The following DCC variants were observed in gnomAD, a reference collection of about 807,000 sequenced individuals.
DCC encodes netrin receptor DCC.
A neutral mutation model predicts 172.5 loss-of-function variants in DCC; 58 were observed. The observed-to-expected ratio is 0.34, with a 90% confidence interval of 0.27 to 0.42. The LOEUF is 0.42. Among genes scored for constraint, DCC ranks in the 10% least tolerant of loss-of-function variants. The pLI is 1.00. For synonymous variants in DCC, 709 were observed against 644.5 expected, an observed-to-expected ratio of 1.10 and a Z score of -1.52; for missense variants, 1,740 against 1,791.0, an observed-to-expected ratio of 0.97 and a Z score of 0.51.
chr18:52,448,959 C>G (rs1158060364), intron 1 of DCC, among the ~76,000 whole-genome samples: 1 of 152,216 alleles, frequency 6.6e-6, no homozygotes, highest in Non-Finnish European at 1.5e-5. Context: ...AGTTCATTCT[C>G]ATGCTGCTGA....
chr18:53,282,606 C>T (rs944245020), intron 12 of DCC, among the ~76,000 whole-genome samples: 1 of 152,086 alleles, frequency 6.6e-6, no homozygotes, highest in Non-Finnish European at 1.5e-5. Context: ...ATTATAGGAG[C>T]ATAGAACCTT....
Position 52,467,044 on chromosome 18 carries a change from T to TA in DCC, c.91+126176dup, listed in dbSNP as rs34627953. On this transcript the variant is annotated intron_variant, in intron 1 of 28. Coordinates refer to ENST00000442544, the MANE Select transcript of DCC (RefSeq NM_005215.4). ...CTTCTTGCTGTAAAAGTGGTTTTTTTAAAAAAAAAATATATATATATATTT... is the reference window on the plus strand; with the variant it reads ...CTTCTTGCTGTAAAAGTGGTTTTTTTAAAAAAAAAAATATATATATATATTT... Among the ~76,000 whole-genome samples the TA allele has an allele frequency of 5.5e-3, 801 of 145,638 alleles. 9 individuals carry two copies. The highest frequency in any genetic ancestry group is 0.021 in the African/African-American group (774 of 37,358).
intron 2 of DCC, among the ~76,000 whole-genome samples, chr18:52,877,867 C>T (rs1431623987): frequency 1.3e-5 from 2 of 152,000 alleles, no homozygotes; most frequent in African/African-American, 4.8e-5. Flanking sequence ...GAATCTGCTT[C>T]CCTGTCCCGT....
At chr18:53,051,881 A>AT (rs1411979539) in intron 5 of DCC, among the ~76,000 whole-genome samples, 1 of 151,932 alleles carries the variant, frequency 6.6e-6, no homozygotes, top group Non-Finnish European at 1.5e-5. Flanking sequence ...CTGAAAATTT[A>AT]TTTTCCCAGA....
intron 26 of DCC, among the ~76,000 whole-genome samples, chr18:53,493,555 A>G (rs981205354): frequency 2.0e-5 from 3 of 152,192 alleles, no homozygotes; most frequent in African/African-American, 7.2e-5. Context: ...TTATTTGCAC[A>G]GAGGTGTTTA....
At chr18:53,193,431 C>T (rs1239963295) in intron 9 of DCC, among the ~76,000 whole-genome samples, 1 of 152,118 alleles carries the variant, frequency 6.6e-6, no homozygotes, top group Non-Finnish European at 1.5e-5. Context: ...AGATATAATT[C>T]ATATATTATT....
chr18:52,899,639 G>A (rs2039781837), intron 2 of DCC, among the ~76,000 whole-genome samples: 1 of 151,804 alleles, frequency 6.6e-6, no homozygotes, highest in East Asian at 1.9e-4. Context: ...ACGGGCATGA[G>A]CCACCGTGCC....
chr18:53,291,992 G>A lies in DCC; in HGVS notation c.1912-13586G>A, dbSNP rs200112610. Among the ~76,000 whole-genome samples, 3 of 152,090 alleles carry A rather than the reference G, an allele frequency of 2.0e-5. No homozygotes were observed. In the East Asian group the frequency reaches 5.8e-4, roughly 29 times the overall value. On this transcript the variant is annotated intron_variant, in intron 12 of 28. Coordinates refer to ENST00000442544, the MANE Select transcript of DCC (RefSeq NM_005215.4). ...GAAACAAGCCTGGCTACTAGGCTAT[G>A]CATAGAAAATTATCAGATGTAAAAA...
In DCC at chr18:52,345,998, C is replaced by T. The variant is rs192484279; in HGVS notation, c.91+5120C>T. ...GTGTTACCAGGTTGGAATAATAGAA[C>T]GTTAACCTTTTTCAAAGTTACTACT... is the stretch of plus-strand genomic sequence containing the variant. On this transcript the variant is annotated intron_variant, in intron 1 of 28. Coordinates refer to ENST00000442544, the MANE Select transcript of DCC (RefSeq NM_005215.4). 2.0e-4 allele frequency among the ~76,000 whole-genome samples: 31 copies of T among 152,216 alleles called. 1 individual carries two copies. The highest frequency in any genetic ancestry group is 5.1e-4 in the African/African-American group (21 of 41,542).
intron 15 of DCC, among the ~76,000 whole-genome samples, chr18:53,383,834 CAG>C (rs1907946256): frequency 6.6e-6 from 1 of 151,968 alleles, no homozygotes; most frequent in Non-Finnish European, 1.5e-5. Context: ...ATCTGGTTCT[CAG>C]GGACAGAGGG....
chr18:53,236,511 AGTTGGAGGCTTTGGTATT>A, intron 12 of DCC, among the ~76,000 whole-genome samples: 1 of 152,180 alleles, frequency 6.6e-6, no homozygotes, highest in South Asian at 2.1e-4. Flanking sequence ...TACCTCTGTA[AGTTGGAGGCTTTGGTATT>A]GTTAGTATTT....
intron 5 of DCC, among the ~76,000 whole-genome samples, chr18:53,023,735 T>C (rs571820075): frequency 6.6e-6 from 1 of 152,144 alleles, no homozygotes; most frequent in African/African-American, 2.4e-5. Context: ...TAATATAGAG[T>C]TTTTAGAGGC....
At chr18:52,841,797 C>T (rs1301751404) in intron 2 of DCC, among the ~76,000 whole-genome samples, 2 of 152,108 alleles carry the variant, frequency 1.3e-5, no homozygotes, top group Non-Finnish European at 2.9e-5. Flanking sequence ...ACATTTTTGC[C>T]ATTCCCCCCT....
intron 5 of DCC, among the ~76,000 whole-genome samples, chr18:53,049,195 C>A (rs1350328740): frequency 6.6e-6 from 1 of 151,934 alleles, no homozygotes; most frequent in East Asian, 1.9e-4. Flanking sequence ...AATTAGGTTC[C>A]ATTTCTCAAT....
intron 1 of DCC, among the ~76,000 whole-genome samples, chr18:52,680,115 T>C (rs771126887): frequency 7.9e-5 from 12 of 152,208 alleles, no homozygotes; most frequent in Admixed American, 2.0e-4. Context: ...ATTTTCTGGG[T>C]GCCCATTGGG....
At chr18:52,991,264 CTTTT>C (rs1236591501) in intron 5 of DCC, among the ~76,000 whole-genome samples, 1 of 152,030 alleles carries the variant, frequency 6.6e-6, no homozygotes, top group East Asian at 1.9e-4. Context: ...TTAAATTTAT[CTTTT>C]TTTGTTTTAA....
chr18:52,693,173 C>T (rs923520499), intron 1 of DCC, among the ~76,000 whole-genome samples: 1 of 56,008 alleles, frequency 1.8e-5, no homozygotes, highest in Non-Finnish European at 3.5e-5. Context: ...GAGTCAGAGA[C>T]ATTAGTGTGA....
At chr18:52,899,384 A>G (rs1190578789) in intron 2 of DCC, among the ~76,000 whole-genome samples, 1 of 43,192 alleles carries the variant, frequency 2.3e-5, no homozygotes, top group African/African-American at 9.1e-5. Flanking sequence ...ACAGAGTTTC[A>G]CTTTTGTTGC....
At chr18:52,718,714 T>G (rs980316112) in intron 1 of DCC, among the ~76,000 whole-genome samples, 1 of 152,210 alleles carries the variant, frequency 6.6e-6, no homozygotes, top group Non-Finnish European at 1.5e-5. Flanking sequence ...TTATCTACAA[T>G]GTCCCATGTA....
Sources: gnomAD v4.1 joint callset for allele counts (sites outside exome capture counted in the v4.1 genomes callset) on GRCh38, gnomAD v4.1.1 for gene constraint, MANE v1.5 for transcripts, NCBI Gene and HGNC (gene_info 2026-07-23, HGNC 2026-07-21) for gene names.